Variants in CTNND2 observed in about 807,000 individuals in gnomAD.
The protein encoded by CTNND2 is catenin delta 2, also known as catenin delta-2.
CTNND2 carries 22 observed loss-of-function variants against 144.4 expected under a neutral mutation model. The ratio of observed to expected loss-of-function variants is 0.15; its 90% CI spans 0.11 to 0.22. CTNND2 has a LOEUF of 0.22. Among genes scored for constraint, CTNND2 ranks in the 10% least tolerant of loss-of-function variants. The probability of loss-of-function intolerance (pLI) is 1.00; values close to 1 mark genes in which losing one functional copy is unlikely to be tolerated. For missense variants in CTNND2, 1,353 were observed against 1,618.8 expected (o/e 0.84, Z 2.82); for synonymous variants, 751 against 695.6 (o/e 1.08, Z -1.25).
chr5:11,014,023 G>A (rs753544562), intron 18 of CTNND2, among the ~76,000 whole-genome samples: 27 of 152,190 alleles, frequency 1.8e-4, no homozygotes, highest in Non-Finnish European at 1.6e-4. Flanking sequence ...GTCACCTGCT[G>A]GCCTTGGGCC....
At chr5:11,297,496 T>C (rs1186359001) in intron 9 of CTNND2, among the ~76,000 whole-genome samples, 5 of 152,242 alleles carry the variant, frequency 3.3e-5, no homozygotes, top group Admixed American at 6.5e-5. Flanking sequence ...ATTCTTCTTA[T>C]ATTGGAAAAC....
intron 9 of CTNND2, among the ~76,000 whole-genome samples, chr5:11,330,991 C>T (rs565075634): frequency 1.8e-4 from 28 of 152,126 alleles, no homozygotes; most frequent in Non-Finnish European, 3.5e-4. Flanking sequence ...GTTAATACTT[C>T]AGTCATCTTC....
chr5:11,489,292 G>A (rs1769159420), intron 3 of CTNND2, among the ~76,000 whole-genome samples: 1 of 152,066 alleles, frequency 6.6e-6, no homozygotes, highest in Non-Finnish European at 1.5e-5. Context: ...TTCCCCAGTG[G>A]TTAACGATAT....
At position 11,732,043 on chromosome 5, in the gene CTNND2, TC is replaced by T. The variant is rs745578623; in HGVS notation, c.174+92del. Reference sequence around the variant, plus strand: ...ACACTCTGCTACATGAGTATGAGTTTCTTTTAACATAATTTAATCTTTAACG... The same window carrying T: ...ACACTCTGCTACATGAGTATGAGTTTTTTTAACATAATTTAATCTTTAACG... On this transcript the variant is annotated intron_variant, in intron 2 of 21. Transcript: ENST00000304623. The T allele has an allele frequency of 2.8e-4, 356 of 1,249,626 alleles. 1 individual carries two copies. Among genetic ancestry groups the T allele is most frequent in the Non-Finnish European group, 3.8e-4 (342 of 892,840 alleles). 77.4% of individuals were successfully genotyped at this position (1,249,626 alleles called of 1,614,324 possible). A position where few individuals can be genotyped will look rare whatever the true frequency, so the allele number is the denominator to read the frequency against.
chr5:11,246,485 G>A (rs1189795473), intron 9 of CTNND2, among the ~76,000 whole-genome samples: 3 of 152,018 alleles, frequency 2.0e-5, no homozygotes, highest in Admixed American at 6.5e-5. Flanking sequence ...CAGGGACACC[G>A]AGGATTCCGG....
intron 16 of CTNND2, among the ~76,000 whole-genome samples, chr5:11,034,981 C>T (rs1669735077): frequency 1.3e-5 from 2 of 151,164 alleles, no homozygotes; most frequent in Admixed American, 1.3e-4. Flanking sequence ...ACTAACTCGT[C>T]ATCTAGCATT....
chr5:11,323,458 G>A (rs1368857633), intron 9 of CTNND2, among the ~76,000 whole-genome samples: 1 of 152,164 alleles, frequency 6.6e-6, no homozygotes. Context: ...ACAGTGAGGA[G>A]CAGGCAACTG....
In CTNND2 at chr5:11,219,482, G is replaced by C. The variant is rs142391042; in HGVS notation, c.1761+17209C>G. 7.4e-4 allele frequency among the ~76,000 whole-genome samples: 113 copies of C among 152,334 alleles called. No individual in the cohort carries two copies. The East Asian group carries it at 0.02, about 27-fold the overall frequency. On this transcript the variant is annotated intron_variant, in intron 10 of 21. Transcript: ENST00000304623. ...TGGACAAGTACTTCTATGATAGGCT[G>C]AGTAATTCTCCTCCCTGAAGATGTC...
chr5:11,813,457 G>A (rs1052851779), intron 1 of CTNND2, among the ~76,000 whole-genome samples: 2 of 151,732 alleles, frequency 1.3e-5, no homozygotes, highest in African/African-American at 2.4e-5. Flanking sequence ...TTTTCATTTC[G>A]GAAGCCTGAA....
intron 11 of CTNND2, among the ~76,000 whole-genome samples, chr5:11,194,010 C>T (rs1380319194): frequency 2.0e-5 from 3 of 152,194 alleles, no homozygotes; most frequent in East Asian, 1.9e-4. Flanking sequence ...TGAACTCATA[C>T]AGGACAGAAG....
At chr5:11,251,285 G>A (rs1307727494) in intron 9 of CTNND2, among the ~76,000 whole-genome samples, 2 of 152,142 alleles carry the variant, frequency 1.3e-5, no homozygotes, top group Non-Finnish European at 2.9e-5. Context: ...AAGTTCTTAG[G>A]TCTGAACAGC....
At chr5:11,204,414 T>G (rs1252814784) in intron 10 of CTNND2, among the ~76,000 whole-genome samples, 5 of 152,214 alleles carry the variant, frequency 3.3e-5, no homozygotes, top group Admixed American at 6.5e-5. Context: ...CTAAAAATCA[T>G]GCAAAAGAAG....
chr5:11,677,786 A>G (rs1784243722), intron 2 of CTNND2, among the ~76,000 whole-genome samples: 1 of 152,282 alleles, frequency 6.6e-6, no homozygotes, highest in East Asian at 1.9e-4. Flanking sequence ...TCCACATAAA[A>G]CACCTAGATT....
At chr5:11,281,274 C>A (rs1747083328) in intron 9 of CTNND2, among the ~76,000 whole-genome samples, 1 of 152,182 alleles carries the variant, frequency 6.6e-6, no homozygotes, top group Admixed American at 6.5e-5. Flanking sequence ...ACATTATTGA[C>A]TAAAATGGCT....
intron 3 of CTNND2, among the ~76,000 whole-genome samples, chr5:11,503,669 T>C (rs2150012850): frequency 6.6e-6 from 1 of 152,322 alleles, no homozygotes; most frequent in Middle Eastern, 3.4e-3. Context: ...ATACCACACA[T>C]TCACTCAAAC....
At chr5:11,513,687 G>A (rs145242096) in intron 3 of CTNND2, among the ~76,000 whole-genome samples, 33 of 151,914 alleles carry the variant, frequency 2.2e-4, no homozygotes, top group Non-Finnish European at 3.7e-4. Context: ...CAGTTGTGCG[G>A]CTGTTAAAAA....
chr5:11,039,231 G>T (rs1744413846), intron 16 of CTNND2, among the ~76,000 whole-genome samples: 1 of 152,158 alleles, frequency 6.6e-6, no homozygotes, highest in Admixed American at 6.5e-5. Context: ...GTGACAATGT[G>T]ATTACCTTGT....
At chr5:11,317,840 G>C (rs1291293317) in intron 9 of CTNND2, among the ~76,000 whole-genome samples, 1 of 152,178 alleles carries the variant, frequency 6.6e-6, no homozygotes, top group Non-Finnish European at 1.5e-5. Context: ...TGCAAAGATG[G>C]AAATGTGAAG....
intron 2 of CTNND2, among the ~76,000 whole-genome samples, chr5:11,679,649 C>T (rs948836452): frequency 3.3e-5 from 5 of 152,256 alleles, no homozygotes; most frequent in South Asian, 2.1e-4. Context: ...CTGTCTTTCC[C>T]GACACTCATG....
Sources: allele counts gnomAD v4.1 joint callset (sites outside exome capture counted in the v4.1 genomes callset), GRCh38; gene constraint gnomAD v4.1.1; transcripts MANE v1.5; gene names NCBI Gene and HGNC (gene_info 2026-07-23, HGNC 2026-07-21).